MAPT: variants seen among roughly 807,000 people sequenced by gnomAD.
MAPT encodes microtubule associated protein tau.
In MAPT, 34 loss-of-function variants were observed where a neutral mutation model predicts 67.9. The observed-to-expected ratio is 0.50, with a 90% CI of 0.38 to 0.67. The LOEUF (loss-of-function observed/expected upper bound fraction) is 0.67, where lower values mean the gene tolerates loss of function less well. Among genes scored for constraint, MAPT ranks in the 30% least tolerant of loss-of-function variants. MAPT has a pLI of 0.00. For missense variants in MAPT, 881 were observed against 1,115.2 expected (o/e 0.79, Z 2.99); for synonymous variants, 456 against 464.5 (o/e 0.98, Z 0.23).
At chr17:46,014,613 G>T (rs145813331) in intron 11 of MAPT, among the ~76,000 whole-genome samples, 2 of 152,296 alleles carry the variant, frequency 1.3e-5, no homozygotes, top group East Asian at 3.9e-4. Flanking sequence ...TGTGGCTCAC[G>T]CCTGTAATTC....
At chr17:45,947,592 T>C (rs944692483) in intron 1 of MAPT, among the ~76,000 whole-genome samples, 2 of 151,992 alleles carry the variant, frequency 1.3e-5, no homozygotes, top group African/African-American at 4.8e-5. Context: ...TTCACCATGT[T>C]GGTCAGGCTG....
intron 5 of MAPT, chr17:45,985,568 C>T (rs1018285358): frequency 7.0e-6 from 3 of 427,140 alleles, no homozygotes; most frequent in African/African-American, 4.3e-5. Flanking sequence ...CTTGTCAGAG[C>T]CTTTAATGTA....
intron 1 of MAPT, among the ~76,000 whole-genome samples, chr17:45,957,411 A>C (rs1034206914): frequency 2.6e-5 from 4 of 152,322 alleles, no homozygotes; most frequent in Non-Finnish European, 4.4e-5. Context: ...TCACAAGTTC[A>C]TGGAGAGAGG....
intron 10 of MAPT, among the ~76,000 whole-genome samples, chr17:46,012,317 C>T (rs1044414166): frequency 5.9e-5 from 9 of 152,122 alleles, no homozygotes; most frequent in Non-Finnish European, 1.2e-4. Context: ...GTGTGTCCCG[C>T]GCTGTGTTCA....
At chr17:46,021,135 C>A (rs567520392) in intron 12 of MAPT, among the ~76,000 whole-genome samples, 21 of 152,374 alleles carry the variant, frequency 1.4e-4, no homozygotes, top group African/African-American at 5.0e-4. Context: ...GCTGATACAG[C>A]CTTGCTGCAG....
At chr17:46,011,049 C>T (rs2075788255) in intron 10 of MAPT, among the ~76,000 whole-genome samples, 2 of 152,250 alleles carry the variant, frequency 1.3e-5, no homozygotes, top group South Asian at 2.1e-4. Context: ...CGACAGGTCC[C>T]TCTGCCCAGC....
chr17:45,924,556 T>A (rs1291976398), intron 1 of MAPT, among the ~76,000 whole-genome samples: 1 of 152,228 alleles, frequency 6.6e-6, no homozygotes, highest in African/African-American at 2.4e-5. Context: ...GTGCCTGTGA[T>A]GCCATGCCCA....
At chr17:45,932,329 G>A (rs1269548056) in intron 1 of MAPT, among the ~76,000 whole-genome samples, 3 of 151,704 alleles carry the variant, frequency 2.0e-5, no homozygotes, top group South Asian at 2.1e-4. Flanking sequence ...GGTGGCTCAC[G>A]CCTGTAATCC....
At chr17:45,917,797 A>G (rs1265212009) in intron 1 of MAPT, among the ~76,000 whole-genome samples, 58 of 149,238 alleles carry the variant, frequency 3.9e-4, no homozygotes, top group Admixed American at 3.8e-3. Flanking sequence ...TTTTTTTAAG[A>G]CAGAGCCTTG....
chr17:46,011,768 C>A (rs1349752025), intron 10 of MAPT, among the ~76,000 whole-genome samples: 1 of 152,200 alleles, frequency 6.6e-6, no homozygotes, highest in East Asian at 1.9e-4. Context: ...AATGCCTGGC[C>A]TGAGGCAGCC....
intron 1 of MAPT, among the ~76,000 whole-genome samples, chr17:45,944,186 CCAT>C (rs2068248176): frequency 6.6e-6 from 1 of 152,214 alleles, no homozygotes; most frequent in African/African-American, 2.4e-5. Context: ...GTCATCATCC[CCAT>C]GTTTCAAATG....
intron 2 of MAPT, among the ~76,000 whole-genome samples, chr17:45,968,094 G>A (rs552958241): frequency 6.9e-4 from 105 of 152,070 alleles, no homozygotes; most frequent in African/African-American, 2.3e-3. Context: ...TTAAAGCAGC[G>A]CGCCACAAAC....
intron 1 of MAPT, among the ~76,000 whole-genome samples, chr17:45,939,814 T>G (rs62061728): frequency 0.14 from 21,835 of 152,200 alleles, 2,140 homozygotes; most frequent in Middle Eastern, 0.22. Context: ...AACCTGGGAT[T>G]TCATATATGA....
At chr17:45,907,100 C>T (rs2064366781) in intron 1 of MAPT, among the ~76,000 whole-genome samples, 2 of 152,208 alleles carry the variant, frequency 1.3e-5, no homozygotes, top group South Asian at 4.1e-4. Flanking sequence ...GCATCGCCTG[C>T]TAAGCCAAGC....
In MAPT at chr17:46,000,729, T is replaced by G. The variant is rs541288023; in HGVS notation, c.1998+4065T>G. Among the ~76,000 whole-genome samples the G allele has an allele frequency of 2.6e-5, 4 of 152,276 alleles. No homozygotes were observed. The South Asian group carries it at 8.3e-4, about 32-fold the overall frequency. ...CAACCTCAACCACTGCGGCCTCCTG[T>G]GCACCCTGATCCAGTGGCTCATTTT... On this transcript the variant is annotated intron_variant, in intron 9 of 12. Transcript: ENST00000262410.
chr17:46,020,642 G>C (rs1381998486), intron 12 of MAPT, among the ~76,000 whole-genome samples: 1 of 152,204 alleles, frequency 6.6e-6, no homozygotes, highest in Non-Finnish European at 1.5e-5. Context: ...AAGGTGAAAG[G>C]CTTGTCTCAC....
At chr17:45,961,900 C>A (rs541799476) in intron 1 of MAPT, among the ~76,000 whole-genome samples, 28 of 152,168 alleles carry the variant, frequency 1.8e-4, no homozygotes, top group Non-Finnish European at 3.5e-4. Context: ...CTCAGCCTCC[C>A]CAGTAGCTGG....
chr17:45,977,783 TG>T (rs2072527369), intron 3 of MAPT: 1 of 153,266 alleles, frequency 6.5e-6, no homozygotes, highest in Non-Finnish European at 1.5e-5. Flanking sequence ...TGTAACATTT[TG>T]GGGCACCTAC....
intron 1 of MAPT, among the ~76,000 whole-genome samples, chr17:45,951,234 C>A (rs2069043846): frequency 6.6e-6 from 1 of 152,170 alleles, no homozygotes; most frequent in Admixed American, 6.5e-5. Context: ...TCTATGAGGT[C>A]CAGCCTTTCT....
Sources: gnomAD v4.1 joint callset for allele counts (sites outside exome capture counted in the v4.1 genomes callset) on GRCh38, gnomAD v4.1.1 for gene constraint, MANE v1.5 for transcripts, NCBI Gene and HGNC (gene_info 2026-07-23, HGNC 2026-07-21) for gene names.